Variants in ULK4 observed in about 807,000 individuals in gnomAD.
ULK4 encodes inactive serine/threonine-protein kinase ULK4.
In ULK4, 133 loss-of-function variants were observed where a neutral mutation model predicts 160.6. The ratio of observed to expected loss-of-function variants is 0.83; its 90% CI spans 0.72 to 0.96. The LOEUF is 0.96. Ranked by LOEUF, ULK4 falls within the 40% of genes least tolerant of loss-of-function variation. ULK4 has a pLI of 0.00. For synonymous variants in ULK4, 534 were observed against 539.8 expected (o/e 0.99, Z 0.15); for missense variants, 1,580 against 1,499.5 (o/e 1.05, Z -0.89).
At chr3:41,734,347 G>T (rs1415848937) in intron 22 of ULK4, among the ~76,000 whole-genome samples, 2 of 152,178 alleles carry the variant, frequency 1.3e-5, no homozygotes, top group African/African-American at 4.8e-5. Flanking sequence ...CTGAGTAACT[G>T]GATCAAGTGC....
intron 22 of ULK4, among the ~76,000 whole-genome samples, chr3:41,721,354 ATATATATAT>A (rs1329326814): frequency 3.4e-5 from 2 of 59,572 alleles, no homozygotes; most frequent in East Asian, 4.2e-4. Flanking sequence ...ATATATATAT[ATATATATAT>A]TTTTTTTTTT....
At chr3:41,529,622 C>T (rs1334862611) in intron 32 of ULK4, among the ~76,000 whole-genome samples, 1 of 152,266 alleles carries the variant, frequency 6.6e-6, no homozygotes, top group East Asian at 1.9e-4. Context: ...GTAGCTGGGA[C>T]TACAGGTGTG....
At chr3:41,630,733 G>A (rs1279400030) in intron 30 of ULK4, among the ~76,000 whole-genome samples, 1 of 152,156 alleles carries the variant, frequency 6.6e-6, no homozygotes, top group Non-Finnish European at 1.5e-5. Context: ...GCCTGAACTT[G>A]CCCCTGGTCC....
At chr3:41,638,895 T>C (rs752318793) in intron 30 of ULK4, among the ~76,000 whole-genome samples, 1 of 152,206 alleles carries the variant, frequency 6.6e-6, no homozygotes, top group Non-Finnish European at 1.5e-5. Context: ...TTCACAATAA[T>C]ATATTACTTT....
At chr3:41,484,347 A>AAC (rs2084431509) in intron 32 of ULK4, among the ~76,000 whole-genome samples, 1 of 152,144 alleles carries the variant, frequency 6.6e-6, no homozygotes, top group Admixed American at 6.5e-5. Flanking sequence ...ATGGGATGAA[A>AAC]ACTATACTGT....
chr3:41,448,666 A>G (rs6762448), intron 34 of ULK4, among the ~76,000 whole-genome samples: 86,140 of 151,954 alleles, frequency 0.57, 25,634 homozygotes, highest in African/African-American at 0.77. Flanking sequence ...GATGGTGGTG[A>G]CCTTCATGAT....
chr3:41,288,475 C>T (rs2079503498), intron 35 of ULK4, among the ~76,000 whole-genome samples: 1 of 152,032 alleles, frequency 6.6e-6, no homozygotes, highest in South Asian at 2.1e-4. Context: ...TCTTAGAGAG[C>T]CTTTGGAGGT....
intron 35 of ULK4, among the ~76,000 whole-genome samples, chr3:41,349,669 G>A (rs2080871413): frequency 6.6e-6 from 1 of 152,096 alleles, no homozygotes; most frequent in Non-Finnish European, 1.5e-5. Context: ...GCAAAGTAGG[G>A]CAAAAATAGT....
intron 30 of ULK4, among the ~76,000 whole-genome samples, chr3:41,635,765 A>G (rs1246485245): frequency 1.3e-5 from 2 of 152,218 alleles, no homozygotes; most frequent in African/African-American, 4.8e-5. Flanking sequence ...TCACTCAAAC[A>G]GTAAGTAATT....
At chr3:41,841,395 G>A (rs998920410) in intron 17 of ULK4, among the ~76,000 whole-genome samples, 7 of 151,452 alleles carry the variant, frequency 4.6e-5, no homozygotes, top group African/African-American at 1.5e-4. Context: ...CCCTTCGTGT[G>A]GGAGGTAGAG....
intron 32 of ULK4, among the ~76,000 whole-genome samples, chr3:41,496,412 A>C (rs1044325741): frequency 6.6e-6 from 1 of 152,090 alleles, no homozygotes; most frequent in African/African-American, 2.4e-5. Flanking sequence ...GAGAGGAAAA[A>C]CACATACAAT....
At chr3:41,922,354 G>GTA (rs1011234747) in intron 5 of ULK4, among the ~76,000 whole-genome samples, 53 of 152,054 alleles carry the variant, frequency 3.5e-4, no homozygotes, top group African/African-American at 1.2e-3. Context: ...AGGCATGGTG[G>GTA]TATACATCTG....
At chr3:41,802,851 G>T (rs1456105368) in intron 19 of ULK4, among the ~76,000 whole-genome samples, 1 of 152,054 alleles carries the variant, frequency 6.6e-6, no homozygotes, top group African/African-American at 2.4e-5. Context: ...TGATAAATTC[G>T]AGTTACACAC....
intron 17 of ULK4, among the ~76,000 whole-genome samples, chr3:41,868,374 G>A (rs569979622): frequency 7.2e-5 from 11 of 152,262 alleles, no homozygotes; most frequent in Admixed American, 2.6e-4. Context: ...AATTTCTACT[G>A]TTATTAATAT....
chr3:41,734,507 G>T (rs960560755), intron 22 of ULK4, among the ~76,000 whole-genome samples: 1 of 152,102 alleles, frequency 6.6e-6, no homozygotes, highest in South Asian at 2.1e-4. Context: ...TCATCTAAGT[G>T]TATATCAGCA....
chr3:41,918,951 C>T (rs1253044036), intron 6 of ULK4, among the ~76,000 whole-genome samples: 3 of 152,132 alleles, frequency 2.0e-5, no homozygotes, highest in African/African-American at 4.8e-5. Context: ...CAAGATTATA[C>T]AACTTATAGA....
chr3:41,554,560 G>T (rs1439230062), intron 32 of ULK4, among the ~76,000 whole-genome samples: 1 of 152,158 alleles, frequency 6.6e-6, no homozygotes, highest in Non-Finnish European at 1.5e-5. Context: ...GAGGGTAAGT[G>T]TTGGTAGGCG....
At chr3:41,570,471 A>C (rs555257168) in intron 31 of ULK4, among the ~76,000 whole-genome samples, 1 of 151,300 alleles carries the variant, frequency 6.6e-6, no homozygotes, top group Admixed American at 6.6e-5. Context: ...CCAACGATAC[A>C]TAAAAAACCT....
In ULK4 at chr3:41,907,755, A is replaced by C. The variant is rs915389637; in HGVS notation, c.1182+90T>G. On this transcript the variant is annotated intron_variant, in intron 12 of 36. Coordinates refer to ENST00000301831, the MANE Select transcript of ULK4 (RefSeq NM_017886.4). ...AAGATGACCTTATTGTAAATTTTGT[A>C]ATTATTAACATAATTCATTTACCAA... is the stretch of plus-strand genomic sequence containing the variant. 8 of 795,880 alleles carry C rather than the reference A, an allele frequency of 1.0e-5. No individual in the cohort carries two copies. In the Admixed American group the frequency reaches 1.0e-4, roughly 10 times the overall value. 49.3% of individuals were successfully genotyped at this position (795,880 alleles called of 1,614,324 possible). A position where few individuals can be genotyped will look rare whatever the true frequency, so the allele number is the denominator to read the frequency against.
Sources: allele counts gnomAD v4.1 joint callset (sites outside exome capture counted in the v4.1 genomes callset), GRCh38; gene constraint gnomAD v4.1.1; transcripts MANE v1.5; gene names NCBI Gene and HGNC (gene_info 2026-07-23, HGNC 2026-07-21).